SCHIP1: variants seen among roughly 807,000 people sequenced by gnomAD.
SCHIP1 encodes the protein schwannomin interacting protein 1, also known as schwannomin-interacting protein 1.
Under a neutral mutation model 29.7 loss-of-function variants are expected in SCHIP1, and 8 were observed. That is an observed-to-expected ratio of 0.27 (90% CI 0.16 to 0.49). The LOEUF (loss-of-function observed/expected upper bound fraction) is 0.49. Ranked by LOEUF, SCHIP1 falls within the 20% of genes least tolerant of loss-of-function variation. The pLI is 0.99. For missense variants in SCHIP1, 193 were observed against 294.6 expected, an observed-to-expected ratio of 0.66 and a Z score of 2.52; for synonymous variants, 76 against 94.9, an observed-to-expected ratio of 0.80 and a Z score of 1.16.
the SCHIP1 span, among the ~76,000 whole-genome samples, chr3:159,678,202 T>C: frequency 6.6e-6 from 1 of 152,202 alleles, no homozygotes; most frequent in Admixed American, 6.5e-5. Context: ...CTCACCCAGG[T>C]CTGAACTCCC....
chr3:159,527,474 A>G, the SCHIP1 span, among the ~76,000 whole-genome samples: 13,506 of 152,266 alleles, frequency 0.089, 757 homozygotes, highest in South Asian at 0.13. Flanking sequence ...GAAACAATTG[A>G]CTAAACAACA....
At chr3:159,346,116 C>T in the SCHIP1 span, among the ~76,000 whole-genome samples, 8 of 151,130 alleles carry the variant, frequency 5.3e-5, no homozygotes, top group African/African-American at 1.9e-4. Context: ...ATTGCGTGAA[C>T]CTGGGAGAGG....
chr3:159,888,963 G>A lies in SCHIP1; in HGVS notation c.589+20G>A. ...TAGAAAGTAAGTGTAAGATATGCTT[G>A]AAAATAGGATATTCAATGTAAAACA... On this transcript the variant is annotated intron_variant, in intron 5 of 6. Coordinates refer to ENST00000445224, the Ensembl canonical transcript of SCHIP1. 1.9e-6 allele frequency: 3 copies of A among 1,611,684 alleles called. No individual in the cohort carries two copies. Among genetic ancestry groups the A allele is most frequent in the Non-Finnish European group, 1.7e-6 (2 of 1,179,122 alleles).
chr3:159,532,994 T>C, the SCHIP1 span, among the ~76,000 whole-genome samples: 1 of 152,138 alleles, frequency 6.6e-6, no homozygotes, highest in Non-Finnish European at 1.5e-5. Flanking sequence ...TTACACCATA[T>C]AAAAAATAAG....
At chr3:159,578,054 G>A in the SCHIP1 span, among the ~76,000 whole-genome samples, 1 of 152,128 alleles carries the variant, frequency 6.6e-6, no homozygotes, top group African/African-American at 2.4e-5. Context: ...CATAGATTGA[G>A]GGACCCGGTT....
At chr3:159,281,614 C>T in the SCHIP1 span, among the ~76,000 whole-genome samples, 4 of 152,210 alleles carry the variant, frequency 2.6e-5, no homozygotes, top group East Asian at 7.7e-4. Context: ...GAGCAAAGTA[C>T]AGTGATCACT....
chr3:159,572,930 T>A, the SCHIP1 span, among the ~76,000 whole-genome samples: 1 of 133,726 alleles, frequency 7.5e-6, no homozygotes, highest in Non-Finnish European at 1.5e-5. Context: ...GATTGCAACC[T>A]CTGGTTTTTT....
At chr3:159,637,265 A>G in the SCHIP1 span, among the ~76,000 whole-genome samples, 1 of 152,168 alleles carries the variant, frequency 6.6e-6, no homozygotes. Context: ...CATAAAAAAC[A>G]ATCTGTCATT....
the SCHIP1 span, among the ~76,000 whole-genome samples, chr3:159,412,790 C>T: frequency 6.6e-6 from 1 of 152,150 alleles, no homozygotes; most frequent in African/African-American, 2.4e-5. Flanking sequence ...TTCTACTAAA[C>T]AGGTGACAGA....
chr3:159,536,702 GA>G, the SCHIP1 span, among the ~76,000 whole-genome samples: 1 of 152,152 alleles, frequency 6.6e-6, no homozygotes, highest in Non-Finnish European at 1.5e-5. Context: ...AGAAGGGAAA[GA>G]AGACAAAATA....
At chr3:159,884,915 A>G (rs1430337315) in intron 2 of SCHIP1, among the ~76,000 whole-genome samples, 1 of 152,174 alleles carries the variant, frequency 6.6e-6, no homozygotes, top group East Asian at 1.9e-4. Context: ...AGAGCTGGGC[A>G]GATTGAGGGA....
At chr3:159,428,111 A>T in the SCHIP1 span, among the ~76,000 whole-genome samples, 6 of 151,604 alleles carry the variant, frequency 4.0e-5, no homozygotes, top group African/African-American at 7.3e-5. Context: ...AACCTAGGCA[A>T]TACCATTCAG....
chr3:159,609,268 C>T, the SCHIP1 span, among the ~76,000 whole-genome samples: 2 of 151,982 alleles, frequency 1.3e-5, no homozygotes, highest in Admixed American at 6.6e-5. Flanking sequence ...GGGAAGCACA[C>T]GTGTGCAAAG....
At chr3:159,377,141 G>T in the SCHIP1 span, among the ~76,000 whole-genome samples, 18,783 of 152,158 alleles carry the variant, frequency 0.12, 1,301 homozygotes, top group African/African-American at 0.15. Context: ...CGTTCAGCTA[G>T]ATTGTGGAAA....
At chr3:159,844,553 C>T (rs979635941) in intron 1 of SCHIP1, among the ~76,000 whole-genome samples, 3 of 152,218 alleles carry the variant, frequency 2.0e-5, no homozygotes, top group Non-Finnish European at 4.4e-5. Context: ...CCTCCATTTT[C>T]CAGTCTTGGG....
the SCHIP1 span, among the ~76,000 whole-genome samples, chr3:159,348,909 C>T: frequency 1.3e-5 from 2 of 152,118 alleles, no homozygotes; most frequent in Non-Finnish European, 2.9e-5. Flanking sequence ...CTTACTATTT[C>T]TGTCCATAAG....
At chr3:159,701,923 A>G in the SCHIP1 span, among the ~76,000 whole-genome samples, 2 of 152,202 alleles carry the variant, frequency 1.3e-5, no homozygotes, top group African/African-American at 4.8e-5. Flanking sequence ...AGACTGATCT[A>G]CATTGAAGTC....
chr3:159,689,148 G>A, the SCHIP1 span, among the ~76,000 whole-genome samples: 9 of 152,186 alleles, frequency 5.9e-5, no homozygotes, highest in Non-Finnish European at 1.0e-4. Context: ...GTCAGTGGTA[G>A]CTTGCTGGGA....
chr3:159,379,347 G>A, the SCHIP1 span, among the ~76,000 whole-genome samples: 5 of 151,670 alleles, frequency 3.3e-5, no homozygotes, highest in South Asian at 4.2e-4. Context: ...TCAGCCTCCC[G>A]AGCAGCTGGG....
Sources: allele counts gnomAD v4.1 joint callset (sites outside exome capture counted in the v4.1 genomes callset), GRCh38; gene constraint gnomAD v4.1.1; transcripts MANE v1.5; gene names NCBI Gene and HGNC (gene_info 2026-07-23, HGNC 2026-07-21).